Variants in PRICKLE2 observed in about 807,000 individuals in gnomAD.
PRICKLE2 encodes prickle-like protein 2.
Under a neutral mutation model 81.4 loss-of-function variants are expected in PRICKLE2, and 21 were observed. The observed-to-expected ratio is 0.26, with a 90% confidence interval of 0.18 to 0.37. The LOEUF is 0.37. Ranked by LOEUF, PRICKLE2 falls within the 10% of genes least tolerant of loss-of-function variation. The probability of loss-of-function intolerance (pLI) is 1.00; values close to 1 mark genes in which losing one functional copy is unlikely to be tolerated. For missense variants in PRICKLE2, 940 were observed against 1,109.0 expected (o/e 0.85, Z 2.16); for synonymous variants, 456 against 421.5 (o/e 1.08, Z -1.00).
intron 7 of PRICKLE2, among the ~76,000 whole-genome samples, chr3:64,120,833 T>C (rs940184717): frequency 3.3e-5 from 5 of 152,192 alleles, no homozygotes; most frequent in African/African-American, 1.2e-4. Context: ...ACCTCAGGAA[T>C]AGGGAGAGAA....
chr3:64,261,736 C>T (rs4688438), intron 2 of PRICKLE2, among the ~76,000 whole-genome samples: 6,085 of 152,168 alleles, frequency 0.04, 138 homozygotes, highest in Admixed American at 0.061. Flanking sequence ...GACTGAAGCA[C>T]GGGTGCCAGT....
chr3:64,141,955 A>C, intron 7 of PRICKLE2: 1 of 984,000 alleles, frequency 1.0e-6, no homozygotes, highest in African/African-American at 1.7e-5. Flanking sequence ...CTGTGATTCT[A>C]GGATTTAAAG....
intron 1 of PRICKLE2, among the ~76,000 whole-genome samples, chr3:64,211,734 T>C (rs572399270): frequency 1.3e-5 from 2 of 152,360 alleles, no homozygotes; most frequent in East Asian, 3.9e-4. Context: ...GCGACTCTTT[T>C]GTTAGGCCAT....
intron 1 of PRICKLE2, among the ~76,000 whole-genome samples, chr3:64,223,274 A>G (rs560352659): frequency 6.6e-6 from 1 of 152,346 alleles, no homozygotes; most frequent in South Asian, 2.1e-4. Flanking sequence ...TGTGCTCTGC[A>G]TAGGTCATCT....
At chr3:64,231,869 A>G (rs2079109720) in intron 2 of PRICKLE2, among the ~76,000 whole-genome samples, 1 of 152,148 alleles carries the variant, frequency 6.6e-6, no homozygotes, top group Non-Finnish European at 1.5e-5. Flanking sequence ...CCACAGCTGA[A>G]GTTTGGTCTT....
chr3:64,123,178 A>T lies in PRICKLE2; in HGVS notation c.1661-23253T>A, dbSNP rs867276339. Among the ~76,000 whole-genome samples the T allele has an allele frequency of 2.0e-5, 3 of 152,192 alleles. No individual in the cohort carries two copies. The South Asian group carries it at 6.2e-4, about 31-fold the overall frequency. On this transcript the variant is annotated intron_variant, in intron 7 of 7. Coordinates refer to ENST00000638394, the MANE Select transcript of PRICKLE2 (RefSeq NM_198859.4). ...TAATGTGCACACTCCTTGATCCAAC[A>T]GTCTTATTTCTAGGAATTTATGCTA... is the stretch of plus-strand genomic sequence containing the variant.
At chr3:64,141,446 A>G (rs753230720) in intron 7 of PRICKLE2, among the ~76,000 whole-genome samples, 1 of 152,208 alleles carries the variant, frequency 6.6e-6, no homozygotes. Context: ...GTCCATATAA[A>G]CACTCAATAA....
At chr3:64,125,137 T>C (rs1020622885) in intron 7 of PRICKLE2, among the ~76,000 whole-genome samples, 1 of 152,130 alleles carries the variant, frequency 6.6e-6, no homozygotes, top group African/African-American at 2.4e-5. Flanking sequence ...ATTGCAGGTA[T>C]AGTGGAAATA....
chr3:64,163,544 G>C, intron 2 of PRICKLE2: 1 of 251,206 alleles, frequency 4.0e-6, no homozygotes, highest in South Asian at 5.4e-5. Context: ...CGGCAATGGA[G>C]TTAAAGCCAG....
intron 2 of PRICKLE2, chr3:64,194,348 T>C (rs2078408070): frequency 6.6e-6 from 1 of 152,250 alleles, no homozygotes; most frequent in Non-Finnish European, 1.5e-5. Context: ...AATTGAGTCA[T>C]CCTTTTTTGT....
At chr3:64,134,003 G>A (rs567540171) in intron 7 of PRICKLE2, among the ~76,000 whole-genome samples, 18 of 152,312 alleles carry the variant, frequency 1.2e-4, no homozygotes, top group African/African-American at 4.3e-4. Context: ...TAAGAGGAAG[G>A]TGGCAGGAGA....
At chr3:64,138,942 G>A (rs1375446141) in intron 7 of PRICKLE2, among the ~76,000 whole-genome samples, 1 of 152,252 alleles carries the variant, frequency 6.6e-6, no homozygotes, top group Non-Finnish European at 1.5e-5. Context: ...GGTTATCCAA[G>A]TTATGCAGAA....
In PRICKLE2 at chr3:64,093,775, CT is replaced by C. The variant is rs987700113; in HGVS notation, c.*5275del. 2 of 152,206 alleles carry C rather than the reference CT, an allele frequency of 1.3e-5. No individual in the cohort carries two copies. Among genetic ancestry groups the C allele is most frequent in the African/African-American group, 4.8e-5 (2 of 41,434 alleles). The allele number at this position is 152,206 out of a possible 1,614,324, so 9.4% of individuals were successfully genotyped here. A position where few individuals can be genotyped will look rare whatever the true frequency, so the allele number is the denominator to read the frequency against. On this transcript the variant is annotated 3_prime_UTR_variant, in exon 8 of 8. Coordinates refer to ENST00000638394, the MANE Select transcript of PRICKLE2 (RefSeq NM_198859.4). ...CATAGTAAAACTCATCCCTCCATAC[CT>C]GTGTCCTTTCTTTTCTTTGTTGAAA...
intron 2 of PRICKLE2, among the ~76,000 whole-genome samples, chr3:64,233,163 T>C (rs1418448545): frequency 1.3e-5 from 2 of 152,192 alleles, no homozygotes; most frequent in Non-Finnish European, 2.9e-5. Flanking sequence ...CAGGATCTAA[T>C]ATCTTTCCTC....
At chr3:64,121,781 T>C (rs1559521577) in intron 7 of PRICKLE2, among the ~76,000 whole-genome samples, 1 of 152,326 alleles carries the variant, frequency 6.6e-6, no homozygotes, top group East Asian at 1.9e-4. Context: ...TTGATTTTCA[T>C]TTGTGAAGTT....
chr3:64,137,488 G>T (rs888195117), intron 7 of PRICKLE2, among the ~76,000 whole-genome samples: 13 of 152,126 alleles, frequency 8.5e-5, no homozygotes, highest in Non-Finnish European at 1.9e-4. Flanking sequence ...CTGACTGTGG[G>T]TATAGATGAC....
intron 2 of PRICKLE2, among the ~76,000 whole-genome samples, chr3:64,193,705 T>C (rs148420445): frequency 3.9e-5 from 6 of 152,278 alleles, no homozygotes; most frequent in East Asian, 3.9e-4. Context: ...TGGGAGGTAA[T>C]TGAATCATTG....
In PRICKLE2 at chr3:64,094,380, T is replaced by C. The variant is rs891957258; in HGVS notation, c.*4671A>G. ...TGGTCAGTGACCTGTTGAATATCAA[T>C]GGCCAAATGCCAAGCAGAGTGAAGG... On this transcript the variant is annotated 3_prime_UTR_variant, in exon 8 of 8. Coordinates refer to ENST00000638394, the MANE Select transcript of PRICKLE2 (RefSeq NM_198859.4). 4 of 152,212 alleles carry C rather than the reference T, an allele frequency of 2.6e-5. No individual in the cohort carries two copies. The highest frequency in any genetic ancestry group is 9.6e-5 in the African/African-American group (4 of 41,456). The allele number at this position is 152,212 out of a possible 1,614,324, so 9.4% of individuals were successfully genotyped here. A position where few individuals can be genotyped will look rare whatever the true frequency, so the allele number is the denominator to read the frequency against.
intron 2 of PRICKLE2, among the ~76,000 whole-genome samples, chr3:64,190,625 T>C (rs2078315935): frequency 6.6e-6 from 1 of 152,166 alleles, no homozygotes; most frequent in South Asian, 2.1e-4. Flanking sequence ...TTTCACCCAA[T>C]TTTCTAGCAT....
Sources: gnomAD v4.1 joint callset for allele counts (sites outside exome capture counted in the v4.1 genomes callset) on GRCh38, gnomAD v4.1.1 for gene constraint, MANE v1.5 for transcripts, NCBI Gene and HGNC (gene_info 2026-07-23, HGNC 2026-07-21) for gene names.